Variants in NRXN1 observed in about 807,000 individuals in gnomAD.
The protein encoded by NRXN1 is neurexin 1, also known as neurexin-1.
Under a neutral mutation model 150.9 loss-of-function variants are expected in NRXN1, and 39 were observed. The ratio of observed to expected loss-of-function variants is 0.26; its 90% confidence interval spans 0.20 to 0.34. NRXN1 has a LOEUF of 0.34. NRXN1 is among the 10% of genes least tolerant of loss of function. The probability of loss-of-function intolerance (pLI) is 1.00; values close to 1 mark genes in which losing one functional copy is unlikely to be tolerated. For synonymous variants in NRXN1, 924 were observed against 757.0 expected (o/e 1.22, Z -3.62); for missense variants, 1,815 against 1,949.9 (o/e 0.93, Z 1.30).
intron 2 of NRXN1, among the ~76,000 whole-genome samples, chr2:50,952,217 C>G (rs901129915): frequency 1.3e-5 from 2 of 151,534 alleles, no homozygotes; most frequent in Non-Finnish European, 2.9e-5. Flanking sequence ...CCGCCCGCCT[C>G]GGCCTCCCAA....
intron 21 of NRXN1, among the ~76,000 whole-genome samples, chr2:50,044,017 G>C (rs1349547257): frequency 1.3e-5 from 2 of 152,108 alleles, no homozygotes; most frequent in Admixed American, 6.6e-5. Flanking sequence ...AGCACAGTGG[G>C]GATGAGGATA....
At chr2:50,902,377 C>T (rs1683080825) in intron 5 of NRXN1, among the ~76,000 whole-genome samples, 1 of 149,924 alleles carries the variant, frequency 6.7e-6, no homozygotes, top group Admixed American at 6.6e-5. Flanking sequence ...CAAGTTTTCT[C>T]GGGAACTGAA....
chr2:50,513,419 G>A (rs1341091200), intron 12 of NRXN1, among the ~76,000 whole-genome samples: 1 of 152,006 alleles, frequency 6.6e-6, no homozygotes, highest in African/African-American at 2.4e-5. Context: ...AAATTTTTTG[G>A]AACAGTTGCC....
chr2:49,946,343 C>G (rs1049199875), intron 21 of NRXN1, among the ~76,000 whole-genome samples: 6 of 151,994 alleles, frequency 3.9e-5, no homozygotes, highest in Non-Finnish European at 5.9e-5. Context: ...GGTTGCCTGT[C>G]CATTCTGATG....
At chr2:50,182,105 A>T (rs1376100580) in intron 18 of NRXN1, among the ~76,000 whole-genome samples, 1 of 98,928 alleles carries the variant, frequency 1.0e-5, no homozygotes, top group Admixed American at 1.2e-4. Flanking sequence ...TTAAAAATTC[A>T]TTATCCTTTT....
At chr2:50,722,528 G>C (rs1265292922) in intron 5 of NRXN1, among the ~76,000 whole-genome samples, 3 of 152,042 alleles carry the variant, frequency 2.0e-5, no homozygotes, top group African/African-American at 7.2e-5. Flanking sequence ...AGACAAGCAG[G>C]CTGTAAAATA....
chr2:50,826,740 G>C (rs913939811), intron 5 of NRXN1, among the ~76,000 whole-genome samples: 1 of 151,952 alleles, frequency 6.6e-6, no homozygotes, highest in African/African-American at 2.4e-5. Flanking sequence ...ATGGAGAATG[G>C]ATAGCTCTGT....
At chr2:50,515,199 A>T (rs990335337) in intron 12 of NRXN1, among the ~76,000 whole-genome samples, 1 of 152,156 alleles carries the variant, frequency 6.6e-6, no homozygotes, top group Non-Finnish European at 1.5e-5. Flanking sequence ...CATGCAAGGG[A>T]TCTAGGTTTC....
At chr2:50,832,250 G>T (rs548966895) in intron 5 of NRXN1, among the ~76,000 whole-genome samples, 2 of 152,234 alleles carry the variant, frequency 1.3e-5, no homozygotes, top group African/African-American at 4.8e-5. Context: ...AGTGATAGAG[G>T]TCAAGAGAGT....
chr2:50,328,293 T>C (rs983070553), intron 17 of NRXN1, among the ~76,000 whole-genome samples: 2 of 152,058 alleles, frequency 1.3e-5, no homozygotes, highest in Admixed American at 6.5e-5. Context: ...CTTCTTCCAA[T>C]GTGGCCCAGG....
At chr2:50,889,402 G>A (rs1001808842) in intron 5 of NRXN1, among the ~76,000 whole-genome samples, 1 of 151,620 alleles carries the variant, frequency 6.6e-6, no homozygotes, top group East Asian at 1.9e-4. Flanking sequence ...ACTTGTCAAT[G>A]ATTTGTACAC....
intron 17 of NRXN1, among the ~76,000 whole-genome samples, chr2:50,264,748 C>T (rs2068662489): frequency 6.6e-6 from 1 of 151,914 alleles, no homozygotes; most frequent in African/African-American, 2.4e-5. Flanking sequence ...GTACACACGG[C>T]AGGAAGAACA....
chr2:50,220,729 A>G (rs533520006), intron 18 of NRXN1, among the ~76,000 whole-genome samples: 1 of 152,118 alleles, frequency 6.6e-6, no homozygotes, highest in East Asian at 1.9e-4. Context: ...TTTTAGCTTT[A>G]GAATGTATAT....
intron 17 of NRXN1, among the ~76,000 whole-genome samples, chr2:50,442,490 A>T (rs889941388): frequency 6.6e-6 from 1 of 152,144 alleles, no homozygotes; most frequent in Non-Finnish European, 1.5e-5. Flanking sequence ...CATTTTCTAA[A>T]AAGGGAGAAG....
chr2:50,397,001 T>A (rs989403037), intron 17 of NRXN1, among the ~76,000 whole-genome samples: 2 of 152,052 alleles, frequency 1.3e-5, no homozygotes, highest in African/African-American at 2.4e-5. Flanking sequence ...TATCCTAGAT[T>A]CTTTTTAAGA....
intron 17 of NRXN1, among the ~76,000 whole-genome samples, chr2:50,438,439 G>A (rs182745796): frequency 0.041 from 6,176 of 152,254 alleles, 153 homozygotes; most frequent in South Asian, 0.047. Flanking sequence ...CACTGGAACT[G>A]GGGGGAGTGG....
intron 18 of NRXN1, among the ~76,000 whole-genome samples, chr2:50,140,563 G>A (rs1223856920): frequency 6.6e-6 from 1 of 152,098 alleles, no homozygotes; most frequent in African/African-American, 2.4e-5. Flanking sequence ...GCCGACAGGA[G>A]AGAGCCTTCC....
chr2:50,267,917 CA>C (rs1350053899), intron 17 of NRXN1, among the ~76,000 whole-genome samples: 5 of 152,076 alleles, frequency 3.3e-5, no homozygotes, highest in Non-Finnish European at 5.9e-5. Context: ...AGGCCAGGCA[CA>C]GCGGCTCACA....
At chr2:50,977,877 G>T (rs13393303) in intron 2 of NRXN1, among the ~76,000 whole-genome samples, 6 of 151,720 alleles carry the variant, frequency 4.0e-5, no homozygotes, top group African/African-American at 1.4e-4. Flanking sequence ...ATAGGGCATT[G>T]CATCTATTAT....
Sources: allele counts gnomAD v4.1 joint callset (sites outside exome capture counted in the v4.1 genomes callset), GRCh38; gene constraint gnomAD v4.1.1; transcripts MANE v1.5; gene names NCBI Gene and HGNC (gene_info 2026-07-23, HGNC 2026-07-21).